Variants in OR6C3 observed in about 807,000 individuals in gnomAD.
OR6C3 encodes the protein olfactory receptor 6C3.
For synonymous variants in OR6C3, 177 were observed against 137.4 expected, an observed-to-expected ratio of 1.29 and a Z score of -2.02; for missense variants, 487 against 364.6, an observed-to-expected ratio of 1.34 and a Z score of -2.73.
Position 55,331,934 on chromosome 12 carries a change from T to C in OR6C3, c.234T>C (p.Phe78=), listed in dbSNP as rs1316629631. The C allele has an allele frequency of 2.5e-6, 4 of 1,614,160 alleles. No homozygotes were observed. Among genetic ancestry groups the C allele is most frequent in the Admixed American group, 1.7e-5 (1 of 60,014 alleles). The change falls in exon 2 of 2, where the codon TTT becomes TTC. Residue 78 remains phenylalanine, a synonymous_variant. Coordinates refer to ENST00000641740, the MANE Select transcript of OR6C3 (RefSeq NM_001388498.1). ...ISFTTVCIPR[F]LGAIITRNKT... The stretch of plus-strand genomic sequence containing the variant: ...TTACAACCGTATGCATCCCCAGATT[T>C]CTGGGGGCAATTATCACCAGGAATA...
upstream of OR6C3, chr12:55,330,481 A>G (rs959900110): frequency 1.3e-5 from 2 of 152,192 alleles, no homozygotes; most frequent in Non-Finnish European, 2.9e-5. Flanking sequence ...ATAATTTTAC[A>G]TTCTATCCAT....
chr12:55,331,301 T>C (rs1468852388), intron 1 of OR6C3, among the ~76,000 whole-genome samples: 1 of 144,634 alleles, frequency 6.9e-6, no homozygotes, highest in African/African-American at 2.7e-5. Flanking sequence ...TATCCTTTAA[T>C]GTATACATGA....
rs1255756234 is a variant in OR6C3, at chr12:55,332,258, T to G, written c.558T>G (p.Cys186Trp). The change falls in exon 2 of 2, where the codon TGT (cysteine) becomes TGG (tryptophan). Residue 186 changes from cysteine (C) to tryptophan (W), a missense_variant. Coordinates refer to ENST00000641740, the MANE Select transcript of OR6C3 (RefSeq NM_001388498.1). ...CDYFPLLQLS[C>W]SDTWLLEVIG... Reference sequence around the variant, plus strand: ...ATTTTCCCCTCTTACAACTATCTTGTTCAGATACATGGCTCCTAGAAGTAA... The same window carrying G: ...ATTTTCCCCTCTTACAACTATCTTGGTCAGATACATGGCTCCTAGAAGTAA... The G allele has an allele frequency of 6.2e-7, 1 of 1,614,020 alleles. No homozygotes were observed. The highest frequency in any genetic ancestry group is 1.7e-5 in the Admixed American group (1 of 60,002).
At chr12:55,331,545 T>C (rs148734933) in intron 1 of OR6C3, 112 bp from the exon 2 acceptor site, 178 of 551,788 alleles carry the variant, frequency 3.2e-4, no homozygotes, top group African/African-American at 2.5e-3. Context: ...TAGTCAAAAC[T>C]GTCAGACTGT....
rs1373508655 is a variant in OR6C3 at position 55,331,535 on chromosome 12, T to A, written c.-44-122T>A. On this transcript the variant is annotated intron_variant, in intron 1 of 1. Transcript: ENST00000641740. ...ATATTAAAACATAATGCAAACAAGA[T>A]AGTCAAAACTGTCAGACTGTAGAAG... 15 of 529,496 alleles carry A rather than the reference T, an allele frequency of 2.8e-5. No homozygotes were observed. The South Asian group carries it at 4.6e-4, about 16-fold the overall frequency. 32.8% of individuals were successfully genotyped at this position (529,496 alleles called of 1,614,324 possible).
intron 1 of OR6C3, among the ~76,000 whole-genome samples, 165 bp downstream of exon 1, chr12:55,330,972 T>C (rs1010116804): frequency 5.9e-5 from 9 of 152,012 alleles, no homozygotes; most frequent in Non-Finnish European, 1.2e-4. Context: ...GATGGAATTA[T>C]AAGACAAACC....
chr12:55,332,023 A>G lies in OR6C3; in HGVS notation c.323A>G (p.Glu108Gly). Reference sequence around the variant, plus strand: ...TTCTTTATCTTCATGGGGGTGACTGAATTTTACATTTTAACTGCCATGTCC... The same window carrying G: ...TTCTTTATCTTCATGGGGGTGACTGGATTTTACATTTTAACTGCCATGTCC... The part of the protein sequence containing the change: ...LFFFIFMGVT[E>G]FYILTAMSYD... Residue 108 changes from glutamate to glycine, a missense_variant, in exon 2 of 2, where the codon GAA (glutamate) becomes GGA (glycine). Coordinates refer to ENST00000641740, the MANE Select transcript of OR6C3 (RefSeq NM_001388498.1). 6.2e-7 allele frequency: 1 copy of G among 1,614,104 alleles called. No individual in the cohort carries two copies. Among genetic ancestry groups the G allele is most frequent in the Non-Finnish European group, 8.5e-7 (1 of 1,180,000 alleles).
In OR6C3 at chr12:55,332,553, T is replaced by A; in HGVS notation, c.853T>A (p.Phe285Ile). 1 of 1,613,230 alleles carries A rather than the reference T, an allele frequency of 6.2e-7. No homozygotes were observed. Among genetic ancestry groups the A allele is most frequent in the Non-Finnish European group, 8.5e-7 (1 of 1,179,976 alleles). ...ATCTGTTGCCCCCATGCTGAACCCC[T>A]TCATTTACACTCTGAGAAACCAGCA... ...NTSVAPMLNP[F>I]IYTLRNQQVK... is the part of the protein sequence containing the mutation. Residue 285 changes from phenylalanine to isoleucine, a missense_variant, in exon 2 of 2, where the codon TTC (phenylalanine) becomes ATC (isoleucine). Physicochemically the swap from Phe to Ile is conservative, Grantham distance 21 (BLOSUM62 0). Coordinates refer to ENST00000641740, the MANE Select transcript of OR6C3 (RefSeq NM_001388498.1).
intron 1 of OR6C3, among the ~76,000 whole-genome samples, chr12:55,331,278 G>A (rs543297544): frequency 4.6e-5 from 7 of 151,514 alleles, no homozygotes; most frequent in African/African-American, 1.5e-4. Flanking sequence ...CCCATTTTAT[G>A]TTTAGGTGGT....
rs1198666692 is a variant in OR6C3, at chr12:55,332,520, C to G, written c.820C>G (p.Leu274Val). 1 of 1,613,590 alleles carries G rather than the reference C, an allele frequency of 6.2e-7. No homozygotes were observed. The highest frequency in any genetic ancestry group is 1.7e-5 in the Admixed American group (1 of 60,008). Residue 274 changes from leucine (L) to valine (V), a missense_variant, in exon 2 of 2, where the codon CTC becomes GTC. Transcript: ENST00000641740. ...KASLTKGIAI[L>V]NTSVAPMLNP... ...ATCATTGACAAAAGGAATAGCTATTCTCAATACATCTGTTGCCCCCATGCT... is the reference window on the plus strand; with the variant it reads ...ATCATTGACAAAAGGAATAGCTATTGTCAATACATCTGTTGCCCCCATGCT...
Position 55,331,981 on chromosome 12 carries a change from G to C in OR6C3, c.281G>C (p.Cys94Ser), listed in dbSNP as rs778513329. The C allele has an allele frequency of 1.1e-5, 17 of 1,614,090 alleles. No homozygotes were observed. In the East Asian group the frequency reaches 3.8e-4, roughly 36 times the overall value. Residue 94 changes from cysteine to serine, a missense_variant, in exon 2 of 2, where the codon TGT becomes TCT. Physicochemically the swap from Cys to Ser is moderately radical, Grantham distance 112. Transcript: ENST00000641740. ...AATAAGACTATTTCCTATAACAACT[G>C]TGCAGCCCAACTCTTTTTCTTTATC... ...TRNKTISYNN[C>S]AAQLFFFIFM...
chr12:55,331,352 C>CA (rs997869227), intron 1 of OR6C3, among the ~76,000 whole-genome samples: 1 of 151,658 alleles, frequency 6.6e-6, no homozygotes, highest in Non-Finnish European at 1.5e-5. Flanking sequence ...ATTGTTTCAA[C>CA]AAAAAAGATA....
At chr12:55,331,248 T>C (rs1480391102) in intron 1 of OR6C3, among the ~76,000 whole-genome samples, 1 of 151,994 alleles carries the variant, frequency 6.6e-6, no homozygotes, top group African/African-American at 2.4e-5. Context: ...CACTTTTATC[T>C]TTTGATGAAG....
intron 1 of OR6C3, 30 bp from the exon 2 acceptor site, chr12:55,331,627 A>G (rs1020295930): frequency 4.4e-6 from 4 of 909,464 alleles, no homozygotes; most frequent in Non-Finnish European, 5.1e-6. Flanking sequence ...ATTTTCCTTA[A>G]TTATCATTCT....
At position 55,331,693 on chromosome 12, in the gene OR6C3, G is replaced by T; in HGVS notation, c.-8G>T. The T allele has an allele frequency of 6.3e-7, 1 of 1,581,860 alleles. No individual in the cohort carries two copies. Among genetic ancestry groups the T allele is most frequent in the Non-Finnish European group, 8.6e-7 (1 of 1,158,004 alleles). On this transcript the variant is annotated 5_prime_UTR_variant, in exon 2 of 2. Coordinates refer to ENST00000641740, the MANE Select transcript of OR6C3 (RefSeq NM_001388498.1). ...GAGTGGAAGAAGGAGAGAGAGAAAG[G>T]ACGAGACATGAACCACACAATGGTC...
rs1319055937 is a variant in OR6C3 at position 55,331,799 on chromosome 12, A to G, written c.99A>G (p.Ile33Met). Residue 33 changes from isoleucine (I) to methionine (M), a missense_variant, in exon 2 of 2, where the codon ATA (isoleucine) becomes ATG (methionine). Coordinates refer to ENST00000641740, the MANE Select transcript of OR6C3 (RefSeq NM_001388498.1). ...TTCTCTTTTTATTTATCACGTATAT[A>G]TTAAGTGTTACTGGAAACCTGACTA... ...VIFLFLFITYILSVTGNLTII... is the reference protein window; with the variant it reads ...VIFLFLFITYMLSVTGNLTII... The G allele has an allele frequency of 6.2e-7, 1 of 1,613,622 alleles. No homozygotes were observed. Among genetic ancestry groups the G allele is most frequent in the East Asian group, 2.2e-5 (1 of 44,866 alleles).
chr12:55,332,475 C>T lies in OR6C3; in HGVS notation c.775C>T (p.Pro259Ser). 1.9e-6 allele frequency: 3 copies of T among 1,613,974 alleles called. No individual in the cohort carries two copies. Among genetic ancestry groups the T allele is most frequent in the Non-Finnish European group, 2.5e-6 (3 of 1,179,964 alleles). The change falls in exon 2 of 2, where the codon CCA becomes TCA. Residue 259 changes from proline to serine, a missense_variant. Coordinates refer to ENST00000641740, the MANE Select transcript of OR6C3 (RefSeq NM_001388498.1). ...AAGCTGTATATTCATGTATGCTAAT[C>T]CATCTGCAAAAGAAAAGGCATCATT... Reference protein sequence around the residue: ...YGSCIFMYANPSAKEKASLTK... With the variant: ...YGSCIFMYANSSAKEKASLTK...
chr12:55,332,364 A>C lies in OR6C3; in HGVS notation c.664A>C (p.Ile222Leu). 6.2e-7 allele frequency: 1 copy of C among 1,614,140 alleles called. No individual in the cohort carries two copies. The highest frequency in any genetic ancestry group is 8.5e-7 in the Non-Finnish European group (1 of 1,180,016). Residue 222 changes from isoleucine (I) to leucine (L), a missense_variant, in exon 2 of 2, where the codon ATT becomes CTT. Physicochemically the swap from Ile to Leu is conservative, Grantham distance 5. Coordinates refer to ENST00000641740, the MANE Select transcript of OR6C3 (RefSeq NM_001388498.1). Reference protein sequence around the residue: ...ILSYMYIIRTILRIPSASQRK... With the variant: ...ILSYMYIIRTLLRIPSASQRK... ...ATCTTACATGTACATTATCAGGACC[A>C]TTTTGAGAATCCCGTCTGCCAGTCA...
At position 55,332,614 on chromosome 12, in the gene OR6C3, TTG is replaced by T; in HGVS notation, c.918_919del (p.Phe307LeufsTer?). 1.9e-6 allele frequency: 3 copies of T among 1,592,840 alleles called. No individual in the cohort carries two copies. The highest frequency in any genetic ancestry group is 2.6e-6 in the Non-Finnish European group (3 of 1,174,282). Reference sequence around the variant, plus strand: ...GCCTTCAAAAATGTGGTCCACAAAGTTGTGTTTTATGCAAATCAATGAATTTT... The same window carrying T: ...GCCTTCAAAAATGTGGTCCACAAAGTTGTTTTATGCAAATCAATGAATTTT... On this transcript the variant is annotated frameshift_variant, in exon 2 of 2. Coordinates refer to ENST00000641740, the MANE Select transcript of OR6C3 (RefSeq NM_001388498.1). LOFTEE classifies it high-confidence loss of function.
Sources: allele counts gnomAD v4.1 joint callset (sites outside exome capture counted in the v4.1 genomes callset), GRCh38; gene constraint gnomAD v4.1.1; transcripts MANE v1.5; gene names NCBI Gene and HGNC (gene_info 2026-07-23, HGNC 2026-07-21).